LINGO2: variants seen among roughly 807,000 people sequenced by gnomAD.
LINGO2 encodes the protein leucine rich repeat and Ig domain containing 2.
A neutral mutation model predicts 30.6 loss-of-function variants in LINGO2; 14 were observed. The ratio of observed to expected loss-of-function variants is 0.46; its 90% CI spans 0.30 to 0.72. The LOEUF (loss-of-function observed/expected upper bound fraction) is 0.72, where lower values mean the gene tolerates loss of function less well. Ranked by LOEUF, LINGO2 falls within the 30% of genes least tolerant of loss-of-function variation. The pLI, the probability that LINGO2 is intolerant of heterozygous loss-of-function variation, is 0.07. For missense variants in LINGO2, 729 were observed against 751.7 expected, an observed-to-expected ratio of 0.97 and a Z score of 0.35; for synonymous variants, 317 against 288.5, an observed-to-expected ratio of 1.10 and a Z score of -1.00.
chr9:27,998,386 G>A (rs190366849), intron 5 of LINGO2, among the ~76,000 whole-genome samples: 29 of 152,290 alleles, frequency 1.9e-4, no homozygotes, highest in African/African-American at 6.3e-4. Flanking sequence ...AGGGGGATAT[G>A]CCTGACCAGC....
intron 1 of LINGO2, among the ~76,000 whole-genome samples, chr9:28,644,913 G>A (rs978072329): frequency 6.6e-6 from 1 of 151,900 alleles, no homozygotes; most frequent in Non-Finnish European, 1.5e-5. Flanking sequence ...AAGGCTTCCT[G>A]ATCCTTTAAA....
chr9:28,034,107 C>T (rs375691197), intron 4 of LINGO2, among the ~76,000 whole-genome samples: 80 of 152,318 alleles, frequency 5.3e-4, no homozygotes, highest in South Asian at 8.3e-4. Flanking sequence ...AGCTTCATTT[C>T]CCATTTTCAT....
At chr9:28,880,476 C>T in the LINGO2 span, among the ~76,000 whole-genome samples, 30 of 152,278 alleles carry the variant, frequency 2.0e-4, no homozygotes, top group Admixed American at 4.6e-4. Context: ...AAGTCATCGC[C>T]ATTCTCTAGT....
intron 3 of LINGO2, among the ~76,000 whole-genome samples, chr9:28,356,515 CATAAA>C (rs1411941653): frequency 6.6e-6 from 1 of 152,104 alleles, no homozygotes; most frequent in African/African-American, 2.4e-5. Context: ...TCTGTTTAAT[CATAAA>C]ATTGCTGCTT....
chr9:28,226,529 A>C (rs984819848), intron 4 of LINGO2, among the ~76,000 whole-genome samples: 1 of 151,798 alleles, frequency 6.6e-6, no homozygotes, highest in East Asian at 1.9e-4. Context: ...ATTCAAGGGC[A>C]TAAGAAGAGA....
chr9:28,457,640 C>G (rs1056241732), intron 2 of LINGO2, among the ~76,000 whole-genome samples: 10 of 152,018 alleles, frequency 6.6e-5, no homozygotes, highest in Non-Finnish European at 1.2e-4. Context: ...TTATATTGCC[C>G]AAGTTGGTCT....
chr9:28,520,220 T>C (rs937777035), intron 1 of LINGO2, among the ~76,000 whole-genome samples: 34 of 152,174 alleles, frequency 2.2e-4, no homozygotes, highest in African/African-American at 7.5e-4. Context: ...GAAACTGATA[T>C]TGCAGGTGTC....
At chr9:28,324,086 ATGT>A (rs1050883261) in intron 3 of LINGO2, among the ~76,000 whole-genome samples, 3 of 152,116 alleles carry the variant, frequency 2.0e-5, no homozygotes, top group African/African-American at 7.2e-5. Flanking sequence ...CTAAAGCAAA[ATGT>A]TGTATCCGTA....
intron 4 of LINGO2, among the ~76,000 whole-genome samples, chr9:28,292,784 T>G (rs1823778663): frequency 6.6e-6 from 1 of 151,588 alleles, no homozygotes; most frequent in Non-Finnish European, 1.5e-5. Flanking sequence ...TCTTTCTTTC[T>G]TTTTGAGATG....
At chr9:28,687,166 C>A in the LINGO2 span, among the ~76,000 whole-genome samples, 2 of 152,078 alleles carry the variant, frequency 1.3e-5, no homozygotes, top group East Asian at 3.8e-4. Context: ...CTAATTTATT[C>A]ATACCCAGAC....
chr9:28,044,861 C>T (rs1271190080), intron 4 of LINGO2, among the ~76,000 whole-genome samples: 1 of 152,014 alleles, frequency 6.6e-6, no homozygotes, highest in Non-Finnish European at 1.5e-5. Context: ...GGGTGGTTTC[C>T]CTTTCTGTAC....
intron 1 of LINGO2, among the ~76,000 whole-genome samples, chr9:28,562,027 G>A (rs2135554704): frequency 6.6e-6 from 1 of 151,702 alleles, no homozygotes; most frequent in East Asian, 1.9e-4. Context: ...ATCTGCAATA[G>A]CCACTTTGAA....
chr9:28,647,980 A>G (rs1155416), intron 1 of LINGO2, among the ~76,000 whole-genome samples: 21,004 of 150,688 alleles, frequency 0.14, 2,021 homozygotes, highest in African/African-American at 0.27. Context: ...CAAGATGTAG[A>G]CACATGTACC....
the LINGO2 span, among the ~76,000 whole-genome samples, chr9:29,019,702 G>A: frequency 6.6e-6 from 1 of 152,180 alleles, no homozygotes; most frequent in African/African-American, 2.4e-5. Context: ...TTTGGGAAAT[G>A]TTGGTGGCAC....
At chr9:28,512,950 T>C (rs1820471192) in intron 1 of LINGO2, among the ~76,000 whole-genome samples, 1 of 151,864 alleles carries the variant, frequency 6.6e-6, no homozygotes, top group African/African-American at 2.4e-5. Flanking sequence ...ACCACCAGAT[T>C]GGGGGTGGAT....
At chr9:29,059,578 T>C in the LINGO2 span, among the ~76,000 whole-genome samples, 1 of 151,770 alleles carries the variant, frequency 6.6e-6, no homozygotes, top group African/African-American at 2.4e-5. Context: ...TAGACACAAA[T>C]ATATCATCAA....
At chr9:28,312,519 G>A (rs1348368485) in intron 3 of LINGO2, among the ~76,000 whole-genome samples, 1 of 152,042 alleles carries the variant, frequency 6.6e-6, no homozygotes, top group Non-Finnish European at 1.5e-5. Flanking sequence ...AGCTAAATAA[G>A]AGGATTTCAG....
chr9:28,183,596 G>C (rs1168538631), intron 4 of LINGO2, among the ~76,000 whole-genome samples: 1 of 152,096 alleles, frequency 6.6e-6, no homozygotes, highest in Non-Finnish European at 1.5e-5. Flanking sequence ...GCAGAGTTAA[G>C]TAGTGGCAGA....
chr9:28,055,905 G>A (rs886528306), intron 4 of LINGO2, among the ~76,000 whole-genome samples: 1 of 152,096 alleles, frequency 6.6e-6, no homozygotes, highest in Non-Finnish European at 1.5e-5. Flanking sequence ...TGATTACCAC[G>A]ATTACTTCTC....
Sources: gnomAD v4.1 joint callset for allele counts (sites outside exome capture counted in the v4.1 genomes callset) on GRCh38, gnomAD v4.1.1 for gene constraint, MANE v1.5 for transcripts, NCBI Gene and HGNC (gene_info 2026-07-23, HGNC 2026-07-21) for gene names.